Variants in C11orf86 observed in about 807,000 individuals in gnomAD.
C11orf86 encodes chromosome 11 open reading frame 86.
Under a neutral mutation model 11.1 loss-of-function variants are expected in C11orf86, and 13 were observed. That is an observed-to-expected ratio of 1.17 (90% CI 0.76 to 1.86). The LOEUF (loss-of-function observed/expected upper bound fraction) is 1.86. Ranked by LOEUF, C11orf86 falls within the 40% of genes most tolerant of loss-of-function variation. The pLI is 0.00. For synonymous variants in C11orf86, 86 were observed against 64.7 expected, an observed-to-expected ratio of 1.33 and a Z score of -1.58; for missense variants, 144 against 146.5, an observed-to-expected ratio of 0.98 and a Z score of 0.09.
rs1245901488 is a variant in C11orf86 at position 66,976,243 on chromosome 11, T to C, written c.343T>C (p.Ser115Pro). The part of the protein sequence containing the change: ...FPSVTLSQPA[S>P]P The stretch of plus-strand genomic sequence containing the variant: ...CAGCGTGACTCTGAGTCAGCCGGCC[T>C]CCCCGTAGCCCACACTGGGCACCAT... Residue 115 changes from serine to proline, a missense_variant, in exon 2 of 2, where the codon TCC becomes CCC. Physicochemically the swap from Ser to Pro is moderately conservative, Grantham distance 74. Coordinates refer to ENST00000683896, the MANE Select transcript of C11orf86 (RefSeq NM_001353554.2). The C allele has an allele frequency of 4.5e-6, 7 of 1,550,974 alleles. No individual in the cohort carries two copies. Among genetic ancestry groups the C allele is most frequent in the Non-Finnish European group, 1.7e-6 (2 of 1,146,964 alleles).
chr11:66,975,909 T>C (rs963156793), intron 1 of C11orf86, among the ~76,000 whole-genome samples: 10 of 152,110 alleles, frequency 6.6e-5, no homozygotes, highest in African/African-American at 2.4e-4. Flanking sequence ...TGATTGATAG[T>C]ATGCTGGATG....
In C11orf86 at chr11:66,976,109, G is replaced by T. The variant is rs12419809; in HGVS notation, c.277-68G>T. 3,444 of 1,461,876 alleles carry T rather than the reference G, an allele frequency of 2.4e-3. 4 individuals carry two copies. Among genetic ancestry groups the T allele is most frequent in the Admixed American group, 3.3e-3 (166 of 50,806 alleles). The allele number at this position is 1,461,876 out of a possible 1,614,324, so 90.6% of individuals were successfully genotyped here. The stretch of plus-strand genomic sequence containing the variant: ...ACCTGGGGTCTACCCCCACCTCGTG[G>T]CTATGGGTGGAACAACATCTAAGCC... On this transcript the variant is annotated intron_variant, in intron 1 of 1. Transcript: ENST00000683896.
Position 66,975,612 on chromosome 11 carries a change from C to T in C11orf86, c.250C>T (p.Arg84Trp), listed in dbSNP as rs548224485. ...GATCCAAGCCCAGCGAAGAGGCAGCCGGTGGTGGCTGAGGCGGTACCAACA... is the reference window on the plus strand; with the variant it reads ...GATCCAAGCCCAGCGAAGAGGCAGCTGGTGGTGGCTGAGGCGGTACCAACA... ...QLIQAQRRGS[R>W]WWLRRYQQQV... Residue 84 changes from arginine (R) to tryptophan (W), a missense_variant, in exon 1 of 2, where the codon CGG (arginine) becomes TGG (tryptophan). Physicochemically the swap from Arg to Trp is moderately radical, Grantham distance 101. Coordinates refer to ENST00000683896, the MANE Select transcript of C11orf86 (RefSeq NM_001353554.2). 2.1e-5 allele frequency: 32 copies of T among 1,551,150 alleles called. No individual in the cohort carries two copies. In the African/African-American group the frequency reaches 2.3e-4, roughly 11 times the overall value.
At chr11:66,975,720 C>T in intron 1 of C11orf86, 82 bp downstream of exon 1, 1 of 1,494,880 alleles carries the variant, frequency 6.7e-7, no homozygotes, top group South Asian at 1.3e-5. Flanking sequence ...GAGACAGAGC[C>T]AGCCCAGGCT....
chr11:66,975,984 C>G (rs1012499766), intron 1 of C11orf86, among the ~76,000 whole-genome samples, 193 bp from the exon 2 acceptor site: 1 of 152,122 alleles, frequency 6.6e-6, no homozygotes, highest in African/African-American at 2.4e-5. Flanking sequence ...ACTGTGTGAC[C>G]CTCTCACCCC....
At position 66,976,940 on chromosome 11, in the gene C11orf86, C is replaced by T. The variant is rs1257847442; in HGVS notation, c.*689C>T. The T allele has an allele frequency of 4.6e-5, 7 of 152,244 alleles. No homozygotes were observed. The highest frequency in any genetic ancestry group is 7.3e-5 in the Non-Finnish European group (5 of 68,080). 9.4% of individuals were successfully genotyped at this position (152,244 alleles called of 1,614,324 possible). A position where few individuals can be genotyped will look rare whatever the true frequency, so the allele number is the denominator to read the frequency against. ...ATTTCTTGGTTTTGACATCTCCGAC[C>T]CCACCCCACCCCATCCAGTGTCCAG... On this transcript the variant is annotated 3_prime_UTR_variant, in exon 2 of 2. Coordinates refer to ENST00000683896, the MANE Select transcript of C11orf86 (RefSeq NM_001353554.2).
chr11:66,976,091 G>T (rs537713734), intron 1 of C11orf86, 86 bp from the exon 2 acceptor site: 3 of 1,330,580 alleles, frequency 2.3e-6, no homozygotes, highest in East Asian at 2.5e-5. Context: ...TCTACCTGGG[G>T]TCTACCCCCA....
At position 66,975,752 on chromosome 11, in the gene C11orf86, G is replaced by C. The variant is rs899904717; in HGVS notation, c.276+114G>C. 2.8e-6 allele frequency: 4 copies of C among 1,425,624 alleles called. No individual in the cohort carries two copies. In the African/African-American group the frequency reaches 5.8e-5, roughly 21 times the overall value. The allele number at this position is 1,425,624 out of a possible 1,614,324, so 88.3% of individuals were successfully genotyped here. A position where few individuals can be genotyped will look rare whatever the true frequency, so the allele number is the denominator to read the frequency against. The stretch of plus-strand genomic sequence containing the variant: ...GGCTGTGTACCAAGATGACAACCGA[G>C]CTGCCTGGAGATGAGGGTGCAGAGA... On this transcript the variant is annotated intron_variant, in intron 1 of 1. Transcript: ENST00000683896.
rs947887494 is a variant in C11orf86, at chr11:66,976,236, G to A, written c.336G>A (p.Gln112=). The A allele has an allele frequency of 6.4e-7, 1 of 1,551,114 alleles. No homozygotes were observed. Among genetic ancestry groups the A allele is most frequent in the South Asian group, 1.2e-5 (1 of 84,066 alleles). Residue 112 remains glutamine (Q), a synonymous_variant, in exon 2 of 2, where the codon CAG becomes CAA. Coordinates refer to ENST00000683896, the MANE Select transcript of C11orf86 (RefSeq NM_001353554.2). ...VAIFPSVTLS[Q]PASP ...TCTTCCCCAGCGTGACTCTGAGTCA[G>A]CCGGCCTCCCCGTAGCCCACACTGG... is the stretch of plus-strand genomic sequence containing the variant.
Position 66,975,600 on chromosome 11 carries a change from C to A in C11orf86, c.238C>A (p.Arg80=), listed in dbSNP as rs1212881560. Residue 80 remains arginine (R), a synonymous_variant, in exon 1 of 2, where the codon CGA becomes AGA. Coordinates refer to ENST00000683896, the MANE Select transcript of C11orf86 (RefSeq NM_001353554.2). ...CACAGAGCAGCTGATCCAAGCCCAG[C>A]GAAGAGGCAGCCGGTGGTGGCTGAG... ...GDTEQLIQAQ[R]RGSRWWLRRY... is the part of the protein sequence containing the mutation. 20 of 1,551,146 alleles carry A rather than the reference C, an allele frequency of 1.3e-5. No homozygotes were observed. Among genetic ancestry groups the A allele is most frequent in the Non-Finnish European group, 1.7e-5 (19 of 1,146,830 alleles).
chr11:66,975,704 G>A (rs1215950519), intron 1 of C11orf86, 66 bp downstream of exon 1: 32 of 1,517,656 alleles, frequency 2.1e-5, no homozygotes, highest in Non-Finnish European at 2.5e-5. Context: ...GGGCAGGAAA[G>A]GTTCAGAGAC....
In C11orf86 at chr11:66,976,952, C is replaced by T. The variant is rs531333005; in HGVS notation, c.*701C>T. 9.8e-5 allele frequency: 15 copies of T among 152,380 alleles called. No individual in the cohort carries two copies. The highest frequency in any genetic ancestry group is 3.6e-4 in the African/African-American group (15 of 41,558). The allele number at this position is 152,380 out of a possible 1,614,324, so 9.4% of individuals were successfully genotyped here. A position where few individuals can be genotyped will look rare whatever the true frequency, so the allele number is the denominator to read the frequency against. Reference sequence around the variant, plus strand: ...TGACATCTCCGACCCCACCCCACCCCATCCAGTGTCCAGCACTGGAGTCGA... The same window carrying T: ...TGACATCTCCGACCCCACCCCACCCTATCCAGTGTCCAGCACTGGAGTCGA... On this transcript the variant is annotated 3_prime_UTR_variant, in exon 2 of 2. Transcript: ENST00000683896.
At position 66,975,320 on chromosome 11, in the gene C11orf86, G is replaced by A; in HGVS notation, c.-43G>A. The A allele has an allele frequency of 1.3e-6, 2 of 1,522,222 alleles. No homozygotes were observed. The highest frequency in any genetic ancestry group is 1.8e-6 in the Non-Finnish European group (2 of 1,140,210). 94.3% of individuals were successfully genotyped at this position (1,522,222 alleles called of 1,614,324 possible). ...GGCCACCTCAGAGGGCCAGTGTCTT[G>A]CTGAGGGGCCGGAGCAGTCCTGTGC... On this transcript the variant is annotated 5_prime_UTR_variant, in exon 1 of 2. Coordinates refer to ENST00000683896, the MANE Select transcript of C11orf86 (RefSeq NM_001353554.2).
intron 1 of C11orf86, 130 bp from the exon 2 acceptor site, chr11:66,976,047 T>C: frequency 3.4e-6 from 3 of 879,782 alleles, no homozygotes; most frequent in Non-Finnish European, 5.3e-6. Context: ...GGCTCCCTCC[T>C]CTAAGAGACA....
chr11:66,976,190 G>A lies in C11orf86; in HGVS notation c.290G>A (p.Arg97Lys). The A allele has an allele frequency of 1.3e-6, 2 of 1,551,468 alleles. No homozygotes were observed. Among genetic ancestry groups the A allele is most frequent in the Non-Finnish European group, 1.7e-6 (2 of 1,146,966 alleles). The change falls in exon 2 of 2, where the codon AGG (arginine) becomes AAG (lysine). Residue 97 changes from arginine to lysine, a missense_variant. Physicochemically the swap from Arg to Lys is conservative, Grantham distance 26. Coordinates refer to ENST00000683896, the MANE Select transcript of C11orf86 (RefSeq NM_001353554.2). ...LRRYQQQVRR[R>K]WESFVAIFPS... ...TCTGTCTTCCAGCAGGTAAGAAGAA[G>A]GTGGGAGAGCTTTGTCGCCATCTTC...
Position 66,976,364 on chromosome 11 carries a change from T to G in C11orf86, c.*113T>G, listed in dbSNP as rs1378666844. The G allele has an allele frequency of 2.5e-6, 3 of 1,201,070 alleles. No individual in the cohort carries two copies. The African/African-American group carries it at 4.5e-5, about 18-fold the overall frequency. The allele number at this position is 1,201,070 out of a possible 1,614,324, so 74.4% of individuals were successfully genotyped here. On this transcript the variant is annotated 3_prime_UTR_variant, in exon 2 of 2. Transcript: ENST00000683896. ...TACCTCTTCACAGCTCTCTGGACTT[T>G]GGCTGGGTGGCCCTAGGAGGCTTCT...
rs192499967 is a variant in C11orf86 at position 66,975,507 on chromosome 11, G to A, written c.145G>A (p.Gly49Ser). 1.9e-6 allele frequency: 3 copies of A among 1,551,504 alleles called. No homozygotes were observed. In the East Asian group the frequency reaches 7.3e-5, roughly 38 times the overall value. The change falls in exon 1 of 2, where the codon GGC (glycine) becomes AGC (serine). Residue 49 changes from glycine (G) to serine (S), a missense_variant. Transcript: ENST00000683896. ...GGGGCAAGAGAAGTCCAGGTCCCAG[G>A]GCCTCGAGAGAGGCACAGAAGGGCC... ...RQGQEKSRSQ[G>S]LERGTEGPDA...
At chr11:66,975,808 C>T (rs974511818) in intron 1 of C11orf86, among the ~76,000 whole-genome samples, 170 bp downstream of exon 1, 4 of 152,116 alleles carry the variant, frequency 2.6e-5, no homozygotes, top group South Asian at 2.1e-4. Context: ...TTCAGAGGGC[C>T]CTGAAGGCAT....
rs1008611022 is a variant in C11orf86 at position 66,976,529 on chromosome 11, G to A, written c.*278G>A. On this transcript the variant is annotated 3_prime_UTR_variant, in exon 2 of 2. Transcript: ENST00000683896. ...GTCTGCCCTCTGGGCTTGGGTAGGG[G>A]CCTTGGACTATGATTCTATGAAGGT... The A allele has an allele frequency of 8.0e-6, 4 of 497,942 alleles. No homozygotes were observed. The highest frequency in any genetic ancestry group is 1.9e-5 in the African/African-American group (1 of 52,164). The allele number at this position is 497,942 out of a possible 1,614,324, so 30.8% of individuals were successfully genotyped here.
Sources: allele counts gnomAD v4.1 joint callset (sites outside exome capture counted in the v4.1 genomes callset), GRCh38; gene constraint gnomAD v4.1.1; transcripts MANE v1.5; gene names NCBI Gene and HGNC (gene_info 2026-07-23, HGNC 2026-07-21).